Variants in TENM3 observed in about 807,000 individuals in gnomAD.
The protein encoded by TENM3 is teneurin-3.
In TENM3, 63 loss-of-function variants were observed where a neutral mutation model predicts 255.1. The ratio of observed to expected loss-of-function variants is 0.25; its 90% CI spans 0.20 to 0.30. The LOEUF (loss-of-function observed/expected upper bound fraction) is 0.30. TENM3 is among the 10% of genes least tolerant of loss of function. The pLI, the probability that TENM3 is intolerant of heterozygous loss-of-function variation, is 1.00. For missense variants in TENM3, 2,929 were observed against 3,461.1 expected (o/e 0.85, Z 3.86); for synonymous variants, 1,306 against 1,322.3 (o/e 0.99, Z 0.27).
At chr4:182,317,745 G>C (rs775041406) in intron 1 of TENM3, among the ~76,000 whole-genome samples, 5 of 151,380 alleles carry the variant, frequency 3.3e-5, no homozygotes, top group Non-Finnish European at 7.4e-5. Flanking sequence ...TTTTATTTTT[G>C]TACTTAATTA....
At chr4:182,739,660 T>G (rs1761451167) in intron 18 of TENM3, among the ~76,000 whole-genome samples, 1 of 152,220 alleles carries the variant, frequency 6.6e-6, no homozygotes, top group Admixed American at 6.5e-5. Flanking sequence ...AACAATTTTT[T>G]TGTGTGTGAG....
intron 1 of TENM3, among the ~76,000 whole-genome samples, chr4:182,237,918 T>C (rs932838231): frequency 4.6e-5 from 7 of 152,160 alleles, no homozygotes; most frequent in African/African-American, 1.7e-4. Context: ...CAAAGGAATT[T>C]TGGAAAATTT....
the TENM3 span, among the ~76,000 whole-genome samples, chr4:181,607,756 G>A: frequency 2.3e-3 from 351 of 152,206 alleles, 3 homozygotes; most frequent in African/African-American, 8.1e-3. Context: ...ACTGGCCAGC[G>A]CCGCTCTAGA....
At chr4:182,160,096 G>A (rs536228297) in intron 1 of TENM3, among the ~76,000 whole-genome samples, 4 of 149,916 alleles carry the variant, frequency 2.7e-5, no homozygotes, top group South Asian at 4.2e-4. Context: ...TCCGCTTCCC[G>A]GGTTCACGCC....
chr4:181,627,384 G>C, the TENM3 span, among the ~76,000 whole-genome samples: 1 of 152,148 alleles, frequency 6.6e-6, no homozygotes, highest in Non-Finnish European at 1.5e-5. Context: ...TGTGCACAAT[G>C]TGCAGGTTTG....
At chr4:181,797,563 T>C in the TENM3 span, among the ~76,000 whole-genome samples, 2 of 152,210 alleles carry the variant, frequency 1.3e-5, no homozygotes, top group African/African-American at 4.8e-5. Flanking sequence ...CCTCACTATG[T>C]TGTCTATAAG....
At chr4:182,671,862 T>C (rs991778123) in intron 6 of TENM3, among the ~76,000 whole-genome samples, 19 of 152,094 alleles carry the variant, frequency 1.2e-4, no homozygotes, top group African/African-American at 4.3e-4. Flanking sequence ...AAAGACAAAG[T>C]TGGTAGTAAG....
At chr4:182,767,824 A>C (rs1249980819) in intron 22 of TENM3, among the ~76,000 whole-genome samples, 3 of 152,204 alleles carry the variant, frequency 2.0e-5, no homozygotes, top group Non-Finnish European at 4.4e-5. Flanking sequence ...AGGCCCACTC[A>C]TGAGGAAACT....
rs548943192 is a variant in TENM3 at position 182,408,150 on chromosome 4, A to G, written c.511+61221A>G. Reference sequence around the variant, plus strand: ...CTAACACCCCAGTGTGCAGTAAGAGATATGATATTGACCAGGGAGTTTTCC... The same window carrying G: ...CTAACACCCCAGTGTGCAGTAAGAGGTATGATATTGACCAGGGAGTTTTCC... On this transcript the variant is annotated intron_variant, in intron 3 of 27. Transcript: ENST00000511685. Among the ~76,000 whole-genome samples, 84 of 152,206 alleles carry G rather than the reference A, an allele frequency of 5.5e-4. 1 individual carries two copies. The highest frequency in any genetic ancestry group is 9.8e-4 in the Non-Finnish European group (67 of 68,028).
the TENM3 span, among the ~76,000 whole-genome samples, chr4:181,700,389 C>G: frequency 6.6e-6 from 1 of 151,606 alleles, no homozygotes; most frequent in African/African-American, 2.4e-5. Flanking sequence ...ACTACTGATC[C>G]AAAAAAGAAT....
chr4:182,309,274 G>A (rs940960188), intron 1 of TENM3, among the ~76,000 whole-genome samples: 4 of 152,218 alleles, frequency 2.6e-5, no homozygotes, highest in Non-Finnish European at 4.4e-5. Context: ...GGATCCGTGA[G>A]GAAGGTGCCG....
At chr4:182,174,151 A>T (rs1752292103) in intron 1 of TENM3, among the ~76,000 whole-genome samples, 1 of 152,192 alleles carries the variant, frequency 6.6e-6, no homozygotes, top group Non-Finnish European at 1.5e-5. Flanking sequence ...CTTGATGACC[A>T]AATTATGTCA....
chr4:181,564,933 T>C, the TENM3 span, among the ~76,000 whole-genome samples: 9 of 152,314 alleles, frequency 5.9e-5, no homozygotes, highest in African/African-American at 1.4e-4. Flanking sequence ...TGTTCTCTCA[T>C]TGAAGGAGCC....
chr4:181,484,510 T>G, the TENM3 span, among the ~76,000 whole-genome samples: 2 of 152,188 alleles, frequency 1.3e-5, no homozygotes, highest in African/African-American at 4.8e-5. Flanking sequence ...ATGCTGCGGT[T>G]AGATTGAAAT....
At chr4:181,742,486 G>A in the TENM3 span, among the ~76,000 whole-genome samples, 48 of 152,014 alleles carry the variant, frequency 3.2e-4, no homozygotes, top group African/African-American at 9.6e-4. Flanking sequence ...TAAGCAAAAC[G>A]AATTTTTTAA....
At chr4:182,177,562 GA>G (rs1196744939) in intron 1 of TENM3, among the ~76,000 whole-genome samples, 4 of 148,534 alleles carry the variant, frequency 2.7e-5, no homozygotes, top group Non-Finnish European at 4.5e-5. Context: ...TTATTGAAAT[GA>G]AAAAAAATTT....
At chr4:182,038,984 C>T in the TENM3 span, among the ~76,000 whole-genome samples, 1 of 152,204 alleles carries the variant, frequency 6.6e-6, no homozygotes, top group African/African-American at 2.4e-5. Flanking sequence ...CCACCCGCCC[C>T]GGCCTTCCAA....
At chr4:181,591,865 A>G in the TENM3 span, among the ~76,000 whole-genome samples, 1 of 152,184 alleles carries the variant, frequency 6.6e-6, no homozygotes, top group South Asian at 2.1e-4. Flanking sequence ...GCTGCAGTGT[A>G]GAATGCTACA....
At chr4:182,503,079 A>G (rs149003660) in intron 3 of TENM3, among the ~76,000 whole-genome samples, 155 of 152,230 alleles carry the variant, frequency 1.0e-3, no homozygotes, top group African/African-American at 3.7e-3. Flanking sequence ...TGGTTCAACT[A>G]TTCCTTATTT....
Sources: gnomAD v4.1 joint callset for allele counts (sites outside exome capture counted in the v4.1 genomes callset) on GRCh38, gnomAD v4.1.1 for gene constraint, MANE v1.5 for transcripts, NCBI Gene and HGNC (gene_info 2026-07-23, HGNC 2026-07-21) for gene names.